UGT1A9: variants seen among roughly 807,000 people sequenced by gnomAD.
UGT1A9 encodes the protein UDP-glucuronosyltransferase 1A9.
A neutral mutation model predicts 45.0 loss-of-function variants in UGT1A9; 35 were observed. The ratio of observed to expected loss-of-function variants is 0.78; its 90% CI spans 0.59 to 1.03. The LOEUF is 1.03. UGT1A9 is among the 50% of genes least tolerant of loss of function. The pLI is 0.00. For synonymous variants in UGT1A9, 278 were observed against 250.6 expected, an observed-to-expected ratio of 1.11 and a Z score of -1.03; for missense variants, 687 against 666.6, an observed-to-expected ratio of 1.03 and a Z score of -0.34.
chr2:233,756,961 G>A (rs1696368025), intron 1 of UGT1A9, among the ~76,000 whole-genome samples: 1 of 151,950 alleles, frequency 6.6e-6, no homozygotes, highest in Admixed American at 6.6e-5. Context: ...CTTGGCACTT[G>A]GTAAGCACGC....
At chr2:233,675,270 G>A (rs1040996706) in intron 1 of UGT1A9, among the ~76,000 whole-genome samples, 1 of 152,140 alleles carries the variant, frequency 6.6e-6, no homozygotes. Flanking sequence ...ATATCATTCC[G>A]TGTGGTCATT....
At chr2:233,743,177 G>A (rs1692221574) in intron 1 of UGT1A9, 2 of 366,924 alleles carry the variant, frequency 5.5e-6, no homozygotes. Context: ...AAAGTCAAAT[G>A]TGGACTGGAA....
intron 1 of UGT1A9, among the ~76,000 whole-genome samples, chr2:233,724,217 A>G (rs1313805950): frequency 3.1e-4 from 30 of 97,836 alleles, no homozygotes; most frequent in Admixed American, 7.0e-4. Context: ...GGGGCTCCTC[A>G]CTTCCCAGTA....
chr2:233,718,023 A>G (rs1438994105), intron 1 of UGT1A9: 2 of 389,712 alleles, frequency 5.1e-6, no homozygotes, highest in South Asian at 3.8e-5. Flanking sequence ...CCAGCTCCCC[A>G]GGTCCTTTGG....
chr2:233,747,562 T>C (rs1237868574), intron 1 of UGT1A9: 2 of 1,595,464 alleles, frequency 1.3e-6, no homozygotes, highest in South Asian at 1.1e-5. Context: ...ATGGCAATTT[T>C]GAAAAATTCA....
intron 1 of UGT1A9, among the ~76,000 whole-genome samples, chr2:233,715,560 C>G (rs1442494993): frequency 6.6e-6 from 1 of 151,940 alleles, no homozygotes; most frequent in Non-Finnish European, 1.5e-5. Context: ...TTGCTTGAGC[C>G]CAGGAGTCTG....
intron 1 of UGT1A9, among the ~76,000 whole-genome samples, chr2:233,732,918 G>C (rs1288769205): frequency 6.6e-6 from 1 of 151,996 alleles, no homozygotes; most frequent in Non-Finnish European, 1.5e-5. Flanking sequence ...CCATTTTCAC[G>C]ATATTGATTC....
intron 1 of UGT1A9, among the ~76,000 whole-genome samples, chr2:233,728,866 T>C (rs1366541445): frequency 6.6e-6 from 1 of 152,200 alleles, no homozygotes; most frequent in African/African-American, 2.4e-5. Context: ...AACAAGAGCT[T>C]GAACTTGGAT....
chr2:233,724,360 G>A (rs1455285943), intron 1 of UGT1A9, among the ~76,000 whole-genome samples: 4 of 146,466 alleles, frequency 2.7e-5, no homozygotes, highest in South Asian at 2.3e-4. Flanking sequence ...CCTCCCTCCC[G>A]GACGGGGTGG....
intron 1 of UGT1A9, chr2:233,719,778 T>C (rs2076804234): frequency 1.2e-6 from 2 of 1,611,190 alleles, no homozygotes; most frequent in African/African-American, 2.7e-5. Context: ...TATCTACTTA[T>C]CTTTCCAAAG....
intron 1 of UGT1A9, chr2:233,690,737 C>G: frequency 8.3e-7 from 1 of 1,207,142 alleles, no homozygotes; most frequent in Non-Finnish European, 1.0e-6. Flanking sequence ...CCAGATTCCT[C>G]TGGCTAGTGT....
chr2:233,734,158 C>CT (rs2078493084), intron 1 of UGT1A9, among the ~76,000 whole-genome samples: 1 of 151,988 alleles, frequency 6.6e-6, no homozygotes, highest in African/African-American at 2.4e-5. Flanking sequence ...TGGTCCTGGA[C>CT]TTTTTTTGGT....
intron 1 of UGT1A9, among the ~76,000 whole-genome samples, chr2:233,745,061 T>C (rs115414076): frequency 0.034 from 5,145 of 151,980 alleles, 165 homozygotes; most frequent in African/African-American, 0.052. Context: ...TTATTTGTAT[T>C]ATTTGTATTG....
chr2:233,712,648 C>T (rs968253315), intron 1 of UGT1A9, among the ~76,000 whole-genome samples: 4 of 152,112 alleles, frequency 2.6e-5, no homozygotes, highest in African/African-American at 4.8e-5. Context: ...GCCTGATAAA[C>T]GTGGTTAAGA....
At chr2:233,699,044 G>A (rs1467875963) in intron 1 of UGT1A9, among the ~76,000 whole-genome samples, 1 of 152,200 alleles carries the variant, frequency 6.6e-6, no homozygotes, top group Non-Finnish European at 1.5e-5. Context: ...CAGATGTCCT[G>A]AAACAACTTA....
At chr2:233,724,847 C>A (rs1352664169) in intron 1 of UGT1A9, among the ~76,000 whole-genome samples, 1 of 131,490 alleles carries the variant, frequency 7.6e-6, no homozygotes, top group African/African-American at 3.2e-5. Context: ...CCAAGGCAGG[C>A]GGCTGGGAGG....
chr2:233,706,633 ACT>A (rs2075917088), intron 1 of UGT1A9, among the ~76,000 whole-genome samples: 1 of 152,298 alleles, frequency 6.6e-6, no homozygotes, highest in East Asian at 1.9e-4. Context: ...GAGTGTTTCT[ACT>A]GTGTCTGTGC....
At chr2:233,726,413 T>C (rs2125719382) in intron 1 of UGT1A9, among the ~76,000 whole-genome samples, 1 of 152,348 alleles carries the variant, frequency 6.6e-6, no homozygotes, top group African/African-American at 2.4e-5. Context: ...GTCAGCATTC[T>C]GATTCTGTCC....
intron 1 of UGT1A9, among the ~76,000 whole-genome samples, chr2:233,708,924 G>A (rs907021830): frequency 1.3e-5 from 2 of 152,096 alleles, no homozygotes; most frequent in African/African-American, 4.8e-5. Context: ...TTGCTACAGA[G>A]CCAAACTATG....
Sources: gnomAD v4.1 joint callset for allele counts (sites outside exome capture counted in the v4.1 genomes callset) on GRCh38, gnomAD v4.1.1 for gene constraint, MANE v1.5 for transcripts, NCBI Gene and HGNC (gene_info 2026-07-23, HGNC 2026-07-21) for gene names.